Variants in SFXN5 observed in about 807,000 individuals in gnomAD.
The protein encoded by SFXN5 is sideroflexin 5, also known as sideroflexin-5.
In SFXN5, 43 loss-of-function variants were observed where a neutral mutation model predicts 50.2. That is an observed-to-expected ratio of 0.86 (90% CI 0.67 to 1.11). SFXN5 has a LOEUF of 1.11. Ranked by LOEUF, SFXN5 falls within the 50% of genes least tolerant of loss-of-function variation. The pLI is 0.00. For synonymous variants in SFXN5, 203 were observed against 185.8 expected, an observed-to-expected ratio of 1.09 and a Z score of -0.75; for missense variants, 463 against 454.1, an observed-to-expected ratio of 1.02 and a Z score of -0.18.
intron 13 of SFXN5, chr2:72,957,012 G>A (rs754354749): frequency 5.5e-5 from 25 of 456,428 alleles, no homozygotes; most frequent in Middle Eastern, 3.2e-4. Context: ...TCTTTGAATC[G>A]CCCAAGTCCT....
At chr2:72,956,691 C>T (rs995938954) in intron 13 of SFXN5, among the ~76,000 whole-genome samples, 25 of 152,214 alleles carry the variant, frequency 1.6e-4, no homozygotes, top group African/African-American at 5.8e-4. Flanking sequence ...GATCCAGGCC[C>T]CCATTTCTCC....
In SFXN5 at chr2:72,981,965, T is replaced by TTGTG. The variant is rs10582006; in HGVS notation, c.625+6289_625+6292dup. 7.0e-3 allele frequency among the ~76,000 whole-genome samples: 1,024 copies of TTGTG among 145,704 alleles called. 18 individuals are homozygous for TTGTG. Among genetic ancestry groups the TTGTG allele is most frequent in the African/African-American group, 0.018 (699 of 39,690 alleles). On this transcript the variant is annotated intron_variant, in intron 10 of 13. Transcript: ENST00000272433. ...CTTTATTGCCCTTATCACTGGAACT[T>TTGTG]TGTGTGTGTGTGTGTGTGTGTGTGT...
chr2:72,989,522 G>T (rs1026506979), intron 9 of SFXN5, among the ~76,000 whole-genome samples: 2 of 152,066 alleles, frequency 1.3e-5, no homozygotes, highest in South Asian at 2.1e-4. Flanking sequence ...ACCGGATGGG[G>T]TGACTGCACC....
At chr2:73,007,669 T>A (rs987080251) in intron 6 of SFXN5, among the ~76,000 whole-genome samples, 2 of 152,160 alleles carry the variant, frequency 1.3e-5, no homozygotes. Context: ...CAAGTGTCTT[T>A]ACATCTCATC....
intron 1 of SFXN5, among the ~76,000 whole-genome samples, chr2:73,068,706 G>C (rs570819580): frequency 6.6e-6 from 1 of 151,980 alleles, no homozygotes; most frequent in South Asian, 2.1e-4. Flanking sequence ...AGGGAGTAAA[G>C]ACAGGCACAG....
Position 73,000,522 on chromosome 2 carries a change from G to A in SFXN5, c.412-35C>T, listed in dbSNP as rs1208009445. ...AATGATGAGAGAAGTCAGGGAAGGA[G>A]TGGTCACCTCCCTGGAAGCCAGGCC... On this transcript the variant is annotated intron_variant, in intron 7 of 13. Coordinates refer to ENST00000272433, the MANE Select transcript of SFXN5 (RefSeq NM_144579.3). The A allele has an allele frequency of 3.2e-6, 5 of 1,549,400 alleles. No homozygotes were observed. The African/African-American group carries it at 6.8e-5, about 21-fold the overall frequency.
At chr2:73,043,395 A>C (rs755571318) in intron 2 of SFXN5, among the ~76,000 whole-genome samples, 1 of 152,228 alleles carries the variant, frequency 6.6e-6, no homozygotes, top group Non-Finnish European at 1.5e-5. Context: ...GTACTATGGC[A>C]GCAGGAATAA....
chr2:73,045,613 A>G (rs1394097671), intron 2 of SFXN5, among the ~76,000 whole-genome samples: 1 of 151,910 alleles, frequency 6.6e-6, no homozygotes, highest in African/African-American at 2.4e-5. Context: ...CCATGTCTTG[A>G]TGGTTCAGTA....
At position 72,963,270 on chromosome 2, in the gene SFXN5, C is replaced by T. The variant is rs553178318; in HGVS notation, c.828-2022G>A. 1.9e-4 allele frequency among the ~76,000 whole-genome samples: 29 copies of T among 152,310 alleles called. No homozygotes were observed. The East Asian group carries it at 4.3e-3, about 22-fold the overall frequency. On this transcript the variant is annotated intron_variant, in intron 12 of 13. Coordinates refer to ENST00000272433, the MANE Select transcript of SFXN5 (RefSeq NM_144579.3). Reference sequence around the variant, plus strand: ...GAAGGGTGAGAAAAAGAAAGAGAGACGCTACCCCCGGCAAGTGAAGAGCAG... The same window carrying T: ...GAAGGGTGAGAAAAAGAAAGAGAGATGCTACCCCCGGCAAGTGAAGAGCAG...
chr2:72,964,153 G>A (rs540773548), intron 12 of SFXN5, among the ~76,000 whole-genome samples: 5 of 152,332 alleles, frequency 3.3e-5, no homozygotes, highest in East Asian at 1.9e-4. Context: ...AGCCATGGCC[G>A]CCACACCACA....
intron 1 of SFXN5, among the ~76,000 whole-genome samples, chr2:73,068,779 C>G (rs1166273224): frequency 6.6e-6 from 1 of 151,838 alleles, no homozygotes; most frequent in African/African-American, 2.4e-5. Flanking sequence ...ATACTCATCA[C>G]AAATCAATGT....
At chr2:72,962,655 C>G (rs1413968512) in intron 12 of SFXN5, among the ~76,000 whole-genome samples, 1 of 152,192 alleles carries the variant, frequency 6.6e-6, no homozygotes, top group Non-Finnish European at 1.5e-5. Context: ...GATCCCATTA[C>G]TTGCAAATCC....
chr2:72,946,025 C>T (rs1008067318), intron 13 of SFXN5, among the ~76,000 whole-genome samples: 6 of 152,138 alleles, frequency 3.9e-5, no homozygotes, highest in East Asian at 1.9e-4. Context: ...TCATCAAACC[C>T]GCTGCCTTCC....
At chr2:73,038,392 G>C (rs753224233) in intron 3 of SFXN5, among the ~76,000 whole-genome samples, 1 of 152,212 alleles carries the variant, frequency 6.6e-6, no homozygotes, top group Non-Finnish European at 1.5e-5. Flanking sequence ...GAGTCACTGA[G>C]TGTGTAGTGG....
intron 6 of SFXN5, among the ~76,000 whole-genome samples, chr2:73,012,649 A>AACAAC (rs1397158907): frequency 4.0e-5 from 5 of 125,858 alleles, no homozygotes; most frequent in Non-Finnish European, 8.4e-5. Flanking sequence ...CTAGCCAAAC[A>AACAAC]ACACACACAC....
rs1671507092 is a variant in SFXN5 at position 72,942,246 on chromosome 2, T to G, written c.*2776A>C. 1 of 152,212 alleles carries G rather than the reference T, an allele frequency of 6.6e-6. No homozygotes were observed. 9.4% of individuals were successfully genotyped at this position (152,212 alleles called of 1,614,324 possible). ...TTCCTCCTCTAGGCTCCTGCCCTTTTCCCAGGCCAGAGGCCAGAACACCAA... is the reference window on the plus strand; with the variant it reads ...TTCCTCCTCTAGGCTCCTGCCCTTTGCCCAGGCCAGAGGCCAGAACACCAA... On this transcript the variant is annotated 3_prime_UTR_variant, in exon 14 of 14. Coordinates refer to ENST00000272433, the MANE Select transcript of SFXN5 (RefSeq NM_144579.3).
chr2:73,051,303 G>A (rs957776377), intron 2 of SFXN5, among the ~76,000 whole-genome samples: 3 of 128,670 alleles, frequency 2.3e-5, no homozygotes, highest in African/African-American at 3.1e-5. Context: ...CTGTCACCCA[G>A]GCTGGAGTGC....
rs568013415 is a variant in SFXN5 at position 72,986,859 on chromosome 2, T to C, written c.625+1399A>G. ...CTGAAATCCCCTCCACATATACCTG[T>C]GCGCCCACAATCACCTGCGTAGAGC... On this transcript the variant is annotated intron_variant, in intron 10 of 13. Transcript: ENST00000272433. Among the ~76,000 whole-genome samples the C allele has an allele frequency of 3.3e-5, 5 of 152,260 alleles. No individual in the cohort carries two copies. In the East Asian group the frequency reaches 9.7e-4, roughly 30 times the overall value.
rs181194687 is a variant in SFXN5 at position 72,986,121 on chromosome 2, G to A, written c.625+2137C>T. Among the ~76,000 whole-genome samples the A allele has an allele frequency of 2.4e-3, 371 of 152,330 alleles. 1 individual carries two copies. Among genetic ancestry groups the A allele is most frequent in the Non-Finnish European group, 4.3e-3 (293 of 68,034 alleles). ...TGTTTGCTTTATTAGGCCCCTTAAC[G>A]AAGTCAGATCTAAAGGGTTATTCCA... is the stretch of plus-strand genomic sequence containing the variant. On this transcript the variant is annotated intron_variant, in intron 10 of 13. Transcript: ENST00000272433.
Sources: allele counts gnomAD v4.1 joint callset (sites outside exome capture counted in the v4.1 genomes callset), GRCh38; gene constraint gnomAD v4.1.1; transcripts MANE v1.5; gene names NCBI Gene and HGNC (gene_info 2026-07-23, HGNC 2026-07-21).